The following DTNA variants were observed in gnomAD, a reference collection of about 807,000 sequenced individuals.
DTNA encodes dystrobrevin alpha.
Under a neutral mutation model 100.7 loss-of-function variants are expected in DTNA, and 43 were observed. The ratio of observed to expected loss-of-function variants is 0.43; its 90% CI spans 0.33 to 0.55. DTNA has a LOEUF of 0.55. Among genes scored for constraint, DTNA ranks in the 20% least tolerant of loss-of-function variants. DTNA has a pLI of 0.04. For missense variants in DTNA, 798 were observed against 953.9 expected, an observed-to-expected ratio of 0.84 and a Z score of 2.15; for synonymous variants, 349 against 347.9, an observed-to-expected ratio of 1.00 and a Z score of -0.04.
chr18:34,634,276 C>G (rs1442847757), intron 1 of DTNA, among the ~76,000 whole-genome samples: 1 of 152,108 alleles, frequency 6.6e-6, no homozygotes, highest in Non-Finnish European at 1.5e-5. Flanking sequence ...AAAAATTATT[C>G]AAAGGACTTC....
chr18:34,585,182 C>T (rs902481901), intron 1 of DTNA, among the ~76,000 whole-genome samples: 1 of 151,908 alleles, frequency 6.6e-6, no homozygotes, highest in Non-Finnish European at 1.5e-5. Context: ...ACCCAAACTA[C>T]AGAGAGGCAA....
In DTNA at chr18:34,583,336, AC is replaced by A. The variant is rs2048818219; in HGVS notation, c.-2+89827del. Among the ~76,000 whole-genome samples, 3 of 151,890 alleles carry A rather than the reference AC, an allele frequency of 2.0e-5. No individual in the cohort carries two copies. The South Asian group carries it at 6.2e-4, about 32-fold the overall frequency. On this transcript the variant is annotated intron_variant, in intron 1 of 19. Coordinates refer to the DTNA transcript ENST00000283365. Reference sequence around the variant, plus strand: ...TATCATGTTGCCCCCGTTGGCCCCCACCCCCAAACACACAACTGCTGAATTT... The same window carrying A: ...TATCATGTTGCCCCCGTTGGCCCCCACCCCAAACACACAACTGCTGAATTT...
chr18:34,567,187 A>G (rs542469246), intron 1 of DTNA, among the ~76,000 whole-genome samples: 2 of 152,146 alleles, frequency 1.3e-5, no homozygotes, highest in South Asian at 4.1e-4. Context: ...CATTTTTTTA[A>G]TTTAAGGATG....
At chr18:34,832,178 A>G (rs2096027441) in intron 11 of DTNA, among the ~76,000 whole-genome samples, 2 of 152,126 alleles carry the variant, frequency 1.3e-5, no homozygotes, top group South Asian at 4.1e-4. Context: ...ATGCCCATCC[A>G]TTTTCAGTCA....
At chr18:34,709,553 T>C (rs779709815), upstream of DTNA, 1 of 152,222 alleles carries the variant, frequency 6.6e-6, no homozygotes, top group African/African-American at 2.4e-5. Flanking sequence ...AGCCATTGGT[T>C]TGGGGAGTCC....
intron 9 of DTNA, 86 bp from the exon 10 acceptor site, chr18:34,827,507 C>A: frequency 1.6e-6 from 2 of 1,248,708 alleles, no homozygotes; most frequent in Non-Finnish European, 2.4e-6. Context: ...ATCTTCCCAT[C>A]CCGTTTCCTG....
chr18:34,601,099 G>T (rs1208291838), intron 1 of DTNA, among the ~76,000 whole-genome samples: 1 of 149,922 alleles, frequency 6.7e-6, no homozygotes, highest in Non-Finnish European at 1.5e-5. Flanking sequence ...TCAAGGGCAA[G>T]CCAGTGGTGT....
chr18:34,746,519 A>C (rs906361561), intron 1 of DTNA, among the ~76,000 whole-genome samples: 1 of 152,166 alleles, frequency 6.6e-6, no homozygotes, highest in African/African-American at 2.4e-5. Flanking sequence ...ACATGTACAC[A>C]GTCATTCTGC....
intron 1 of DTNA, among the ~76,000 whole-genome samples, chr18:34,658,302 T>A (rs36080865): frequency 0.13 from 20,458 of 152,192 alleles, 2,308 homozygotes; most frequent in African/African-American, 0.31. Context: ...TCAGTAGCTG[T>A]TTAAACAGCC....
Position 34,498,419 on chromosome 18 carries a change from C to T in DTNA, c.-2+4905C>T, listed in dbSNP as rs1027412389. On this transcript the variant is annotated intron_variant, in intron 1 of 19. Transcript: ENST00000283365. Reference sequence around the variant, plus strand: ...CTGTGCTCCAGCCTGGGCAACAGAACGAGACTCCATCTCAGAAAATAATAT... The same window carrying T: ...CTGTGCTCCAGCCTGGGCAACAGAATGAGACTCCATCTCAGAAAATAATAT... Among the ~76,000 whole-genome samples the T allele has an allele frequency of 6.2e-5, 9 of 146,250 alleles. No homozygotes were observed. In the East Asian group the frequency reaches 1.2e-3, roughly 19 times the overall value.
At chr18:34,693,746 C>CTGTGTGTGTGTGTG (rs34072179) in intron 1 of DTNA, among the ~76,000 whole-genome samples, 27 of 143,192 alleles carry the variant, frequency 1.9e-4, no homozygotes, top group African/African-American at 6.7e-4. Context: ...CTTGTGTGCA[C>CTGTGTGTGTGTGTG]TGTGTGTGTG....
chr18:34,701,763 T>G (rs1430271676), intron 1 of DTNA, among the ~76,000 whole-genome samples: 1 of 152,174 alleles, frequency 6.6e-6, no homozygotes, highest in Non-Finnish European at 1.5e-5. Flanking sequence ...AAATACTTTA[T>G]TCTCACTCGT....
intron 10 of DTNA, 100 bp downstream of exon 10, chr18:34,827,776 T>C (rs1211919446): frequency 8.3e-7 from 1 of 1,204,632 alleles, no homozygotes; most frequent in Admixed American, 1.7e-5. Flanking sequence ...GGCAGAATAT[T>C]GTTACTAGAA....
intron 1 of DTNA, among the ~76,000 whole-genome samples, chr18:34,697,492 A>C (rs912645197): frequency 2.0e-5 from 3 of 152,122 alleles, no homozygotes; most frequent in African/African-American, 7.2e-5. Context: ...CCATTTCCTG[A>C]GTAAATTTAC....
chr18:34,820,251 C>T (rs971574382), intron 8 of DTNA, among the ~76,000 whole-genome samples: 1 of 152,128 alleles, frequency 6.6e-6, no homozygotes, highest in African/African-American at 2.4e-5. Context: ...AAATCTTCCA[C>T]TCATCTTCAT....
intron 1 of DTNA, among the ~76,000 whole-genome samples, chr18:34,647,944 T>G (rs1043999926): frequency 7.9e-5 from 12 of 152,182 alleles, no homozygotes; most frequent in African/African-American, 2.4e-5. Flanking sequence ...AAATAGTTGC[T>G]GTAAAAGAAA....
At chr18:34,536,816 A>G (rs1479284367) in intron 1 of DTNA, among the ~76,000 whole-genome samples, 2 of 152,010 alleles carry the variant, frequency 1.3e-5, no homozygotes, top group Non-Finnish European at 2.9e-5. Context: ...TATAACAATA[A>G]TATTCCTAGT....
intron 1 of DTNA, among the ~76,000 whole-genome samples, chr18:34,672,030 A>G (rs1348899163): frequency 6.6e-5 from 10 of 152,190 alleles, no homozygotes; most frequent in Admixed American, 2.0e-4. Flanking sequence ...GCAAAATTCA[A>G]TTTAATTCTT....
intron 15 of DTNA, among the ~76,000 whole-genome samples, chr18:34,858,032 C>T (rs913890020): frequency 4.1e-4 from 63 of 152,214 alleles, no homozygotes; most frequent in East Asian, 1.5e-3. Context: ...TTTAACTCAA[C>T]GACATGCTGC....
Sources: allele counts gnomAD v4.1 joint callset (sites outside exome capture counted in the v4.1 genomes callset), GRCh38; gene constraint gnomAD v4.1.1; transcripts MANE v1.5; gene names NCBI Gene and HGNC (gene_info 2026-07-23, HGNC 2026-07-21).